The following ZFAND3 variants were observed in gnomAD, a reference collection of about 807,000 sequenced individuals.
The protein encoded by ZFAND3 is AN1-type zinc finger protein 3.
In ZFAND3, 10 loss-of-function variants were observed where a neutral mutation model predicts 29.6. That is an observed-to-expected ratio of 0.34 (90% CI 0.21 to 0.57). The LOEUF is 0.57. ZFAND3 is among the 20% of genes least tolerant of loss of function. ZFAND3 has a pLI of 0.86. For synonymous variants in ZFAND3, 128 were observed against 112.6 expected, an observed-to-expected ratio of 1.14 and a Z score of -0.87; for missense variants, 230 against 304.5, an observed-to-expected ratio of 0.76 and a Z score of 1.82.
intron 2 of ZFAND3, among the ~76,000 whole-genome samples, chr6:37,951,845 A>G (rs942926873): frequency 1.3e-5 from 2 of 152,108 alleles, no homozygotes; most frequent in Non-Finnish European, 2.9e-5. Flanking sequence ...ATAGATGGCT[A>G]TTATTTTGAG....
At chr6:38,032,090 C>T (rs1763573159) in intron 2 of ZFAND3, among the ~76,000 whole-genome samples, 1 of 152,140 alleles carries the variant, frequency 6.6e-6, no homozygotes, top group African/African-American at 2.4e-5. Flanking sequence ...TCCTCAACCT[C>T]CCAAAGTTCT....
At chr6:37,837,135 T>C (rs1189947050) in intron 1 of ZFAND3, among the ~76,000 whole-genome samples, 2 of 152,180 alleles carry the variant, frequency 1.3e-5, no homozygotes, top group Non-Finnish European at 2.9e-5. Context: ...TAATGAAATA[T>C]ATTTCTTAAG....
chr6:37,888,439 G>A (rs1765037672), intron 1 of ZFAND3, among the ~76,000 whole-genome samples: 1 of 151,986 alleles, frequency 6.6e-6, no homozygotes, highest in Admixed American at 6.6e-5. Context: ...AATACATAAT[G>A]GTTCAATCAT....
intron 3 of ZFAND3, among the ~76,000 whole-genome samples, chr6:38,068,537 G>A (rs531684865): frequency 2.8e-4 from 42 of 152,224 alleles, no homozygotes; most frequent in Non-Finnish European, 5.0e-4. Flanking sequence ...CATAGGTAGG[G>A]CAAATATTCT....
intron 1 of ZFAND3, among the ~76,000 whole-genome samples, chr6:37,902,116 T>G (rs977481270): frequency 6.6e-6 from 1 of 152,032 alleles, no homozygotes; most frequent in Non-Finnish European, 1.5e-5. Flanking sequence ...TGGGGTTAAT[T>G]TGGAATCTGA....
chr6:38,057,735 G>A (rs894368682), intron 2 of ZFAND3, among the ~76,000 whole-genome samples: 10 of 152,158 alleles, frequency 6.6e-5, no homozygotes, highest in Non-Finnish European at 1.2e-4. Flanking sequence ...TCAGTTTCTG[G>A]TGAGTTGTAG....
At chr6:37,882,578 T>C (rs1041928040) in intron 1 of ZFAND3, among the ~76,000 whole-genome samples, 2 of 152,170 alleles carry the variant, frequency 1.3e-5, no homozygotes, top group African/African-American at 4.8e-5. Flanking sequence ...AATTGGGAAA[T>C]GCCAACCTCA....
intron 5 of ZFAND3, among the ~76,000 whole-genome samples, chr6:38,133,208 A>C (rs1017916990): frequency 6.6e-6 from 1 of 152,166 alleles, no homozygotes; most frequent in African/African-American, 2.4e-5. Flanking sequence ...GCATATTGAA[A>C]TTGTCTGTTT....
intron 2 of ZFAND3, among the ~76,000 whole-genome samples, chr6:37,961,459 C>T (rs1289717890): frequency 6.6e-6 from 1 of 152,198 alleles, no homozygotes; most frequent in African/African-American, 2.4e-5. Context: ...CATAGGTCTG[C>T]CTGGCTTTGC....
chr6:38,029,440 G>A (rs570873719), intron 2 of ZFAND3, among the ~76,000 whole-genome samples: 1 of 152,260 alleles, frequency 6.6e-6, no homozygotes, highest in South Asian at 2.1e-4. Context: ...TAAAAGTTGG[G>A]TAATGAAATG....
chr6:37,981,842 C>T (rs774913344), intron 2 of ZFAND3, among the ~76,000 whole-genome samples: 2 of 152,198 alleles, frequency 1.3e-5, no homozygotes, highest in African/African-American at 2.4e-5. Flanking sequence ...ATGTGCCCAA[C>T]GTGGTCAGGG....
chr6:38,135,289 A>C (rs1339633464), intron 5 of ZFAND3, among the ~76,000 whole-genome samples: 1 of 152,224 alleles, frequency 6.6e-6, no homozygotes, highest in Non-Finnish European at 1.5e-5. Context: ...AGGCAAAAAA[A>C]CTGAAAAAGG....
intron 2 of ZFAND3, among the ~76,000 whole-genome samples, chr6:37,985,486 C>T (rs552688061): frequency 5.7e-4 from 79 of 137,476 alleles, no homozygotes; most frequent in Non-Finnish European, 7.0e-4. Flanking sequence ...CCTGGTGGCA[C>T]GTGCTTGTGG....
At position 37,840,319 on chromosome 6, in the gene ZFAND3, G is replaced by A. The variant is rs551738040; in HGVS notation, c.71+20303G>A. ...TCACCATGTTGCTCAGGCTGGTCTT[G>A]AACTCTTGAGCTCAAGCAATCCGCC... On this transcript the variant is annotated intron_variant, in intron 1 of 5. Transcript: ENST00000287218. Among the ~76,000 whole-genome samples the A allele has an allele frequency of 3.3e-5, 5 of 152,156 alleles. No homozygotes were observed. The South Asian group carries it at 1.0e-3, about 32-fold the overall frequency.
chr6:37,821,573 G>C (rs1165684023), intron 1 of ZFAND3, among the ~76,000 whole-genome samples: 1 of 152,122 alleles, frequency 6.6e-6, no homozygotes, highest in Non-Finnish European at 1.5e-5. Flanking sequence ...GAGCTCTTTA[G>C]AGTGCGTAGT....
intron 2 of ZFAND3, among the ~76,000 whole-genome samples, chr6:37,961,482 G>A (rs1044920158): frequency 2.6e-5 from 4 of 152,226 alleles, no homozygotes; most frequent in Non-Finnish European, 5.9e-5. Flanking sequence ...CCTGCTGATT[G>A]TAGAGCCCTA....
intron 1 of ZFAND3, among the ~76,000 whole-genome samples, chr6:37,865,381 A>G (rs555152586): frequency 1.1e-3 from 169 of 152,248 alleles, no homozygotes; most frequent in Non-Finnish European, 2.1e-3. Flanking sequence ...CTTTTTCCGA[A>G]TATTTTCAAT....
intron 2 of ZFAND3, among the ~76,000 whole-genome samples, chr6:38,028,529 A>G (rs1391518428): frequency 6.6e-6 from 1 of 152,092 alleles, no homozygotes; most frequent in Non-Finnish European, 1.5e-5. Context: ...TTGTCTAGTC[A>G]AGATGTCCTT....
intron 1 of ZFAND3, among the ~76,000 whole-genome samples, chr6:37,904,867 A>G (rs1479563068): frequency 6.6e-6 from 1 of 152,164 alleles, no homozygotes; most frequent in Non-Finnish European, 1.5e-5. Flanking sequence ...TTGTTTATTT[A>G]AAAACTATTT....
Sources: allele counts gnomAD v4.1 joint callset (sites outside exome capture counted in the v4.1 genomes callset), GRCh38; gene constraint gnomAD v4.1.1; transcripts MANE v1.5; gene names NCBI Gene and HGNC (gene_info 2026-07-23, HGNC 2026-07-21).